The following CEP44 variants were observed in gnomAD, a reference collection of about 807,000 sequenced individuals.
CEP44 encodes centrosomal protein of 44 kDa.
A neutral mutation model predicts 46.7 loss-of-function variants in CEP44; 45 were observed. That is an observed-to-expected ratio of 0.96 (90% CI 0.76 to 1.24). The LOEUF is 1.24. CEP44 is among the 50% of genes most tolerant of loss of function. The probability of loss-of-function intolerance (pLI) is 0.00; values close to 1 mark genes in which losing one functional copy is unlikely to be tolerated. For synonymous variants in CEP44, 142 were observed against 146.0 expected (o/e 0.97, Z 0.20); for missense variants, 475 against 459.7 (o/e 1.03, Z -0.30).
chr4:174,300,918 C>A (rs530308667), intron 3 of CEP44, among the ~76,000 whole-genome samples: 33 of 151,762 alleles, frequency 2.2e-4, no homozygotes, highest in African/African-American at 7.7e-4. Context: ...GTATAGTGTG[C>A]ATAAAATGGA....
chr4:174,295,958 T>G (rs577015025), intron 1 of CEP44, among the ~76,000 whole-genome samples: 37 of 152,318 alleles, frequency 2.4e-4, no homozygotes, highest in African/African-American at 8.4e-4. Context: ...AATACATGAT[T>G]TGCCTTCTTT....
rs944085215 is a variant in CEP44, at chr4:174,318,079, G to A, written c.*696G>A. Reference sequence around the variant, plus strand: ...CTCTATTGTATAATTTTTTTGGAGGGGGGGATGGAGTTTCGCTGTTGTTGC... The same window carrying A: ...CTCTATTGTATAATTTTTTTGGAGGAGGGGATGGAGTTTCGCTGTTGTTGC... On this transcript the variant is annotated 3_prime_UTR_variant, in exon 12 of 12. Transcript: ENST00000503780. 221 of 985,000 alleles carry A rather than the reference G, an allele frequency of 2.2e-4. 1 individual carries two copies. In the African/African-American group the frequency reaches 3.6e-3, roughly 16 times the overall value. 61.0% of individuals were successfully genotyped at this position (985,000 alleles called of 1,614,324 possible).
chr4:174,283,956 C>G lies in CEP44; in HGVS notation c.-148+13C>G. On this transcript the variant is annotated intron_variant, in intron 1 of 11. Coordinates refer to ENST00000503780, the MANE Select transcript of CEP44 (RefSeq NM_001040157.3). The surrounding 1 kb of genome is among the most constrained non-coding windows in gnomAD (Gnocchi z 6.7). ...AGGTCTTGCGGTGGTGCGTGGCGGG[C>G]AGGAACCCACAATTCCAAATACAAA... The G allele has an allele frequency of 2.5e-6, 1 of 399,150 alleles. No individual in the cohort carries two copies. Among genetic ancestry groups the G allele is most frequent in the Non-Finnish European group, 4.4e-6 (1 of 226,348 alleles). 24.7% of individuals were successfully genotyped at this position (399,150 alleles called of 1,614,324 possible). A position where few individuals can be genotyped will look rare whatever the true frequency, so the allele number is the denominator to read the frequency against.
chr4:174,320,049 T>C lies in CEP44; in HGVS notation c.*2666T>C. 1 of 985,210 alleles carries C rather than the reference T, an allele frequency of 1.0e-6. No homozygotes were observed. Among genetic ancestry groups the C allele is most frequent in the Non-Finnish European group, 1.2e-6 (1 of 829,786 alleles). 61.0% of individuals were successfully genotyped at this position (985,210 alleles called of 1,614,324 possible). A position where few individuals can be genotyped will look rare whatever the true frequency, so the allele number is the denominator to read the frequency against. ...TCATAAACTGGTTGAAAAAACACTGTACTACCAACAAAGGTGTCAGTTGCT... is the reference window on the plus strand; with the variant it reads ...TCATAAACTGGTTGAAAAAACACTGCACTACCAACAAAGGTGTCAGTTGCT... On this transcript the variant is annotated 3_prime_UTR_variant, in exon 12 of 12. Coordinates refer to ENST00000503780, the MANE Select transcript of CEP44 (RefSeq NM_001040157.3).
At chr4:174,291,648 G>A (rs986218301) in intron 1 of CEP44, among the ~76,000 whole-genome samples, 2 of 151,676 alleles carry the variant, frequency 1.3e-5, no homozygotes, top group Non-Finnish European at 2.9e-5. Context: ...TCATACTGTT[G>A]GTTTAGTATC....
rs1742080613 is a variant in CEP44, at chr4:174,319,345, A to G, written c.*1962A>G. ...GATTAACTCCTAAAATATCAGTACC[A>G]GCATGGAATTATAGCACCACCTTGT... On this transcript the variant is annotated 3_prime_UTR_variant, in exon 12 of 12. Transcript: ENST00000503780. 1.0e-6 allele frequency: 1 copy of G among 984,840 alleles called. No individual in the cohort carries two copies. The highest frequency in any genetic ancestry group is 1.2e-6 in the Non-Finnish European group (1 of 829,480). The allele number at this position is 984,840 out of a possible 1,614,324, so 61.0% of individuals were successfully genotyped here.
Position 174,309,364 on chromosome 4 carries a change from T to G in CEP44, c.679-486T>G, listed in dbSNP as rs1205410675. On this transcript the variant is annotated intron_variant, in intron 7 of 11. Transcript: ENST00000503780. The surrounding 1 kb of genome is among the most constrained non-coding windows in gnomAD (Gnocchi z 5.3). ...ACTTCTTTTTCTGTGTTTCTATGTC[T>G]TGTGATTTCTATATATCTCAGTATA... Among the ~76,000 whole-genome samples, 1 of 152,076 alleles carries G rather than the reference T, an allele frequency of 6.6e-6. No homozygotes were observed. The highest frequency in any genetic ancestry group is 2.4e-5 in the African/African-American group (1 of 41,428).
rs1739753757 is a variant in CEP44 at position 174,301,887 on chromosome 4, C to T, written c.90-152C>T. On this transcript the variant is annotated intron_variant, in intron 3 of 11. Coordinates refer to ENST00000503780, the MANE Select transcript of CEP44 (RefSeq NM_001040157.3). This position sits in a 1 kb window ranked among gnomAD's most constrained non-coding sequence, Gnocchi z 4.3. ...ACTGGTTTCAAATGGGGAATGGAAT[C>T]TAGAAAGTCTCATGTATCACCTAAT... 1.5e-6 allele frequency: 1 copy of T among 663,546 alleles called. No individual in the cohort carries two copies. Among genetic ancestry groups the T allele is most frequent in the South Asian group, 2.4e-5 (1 of 41,456 alleles). The allele number at this position is 663,546 out of a possible 1,614,324, so 41.1% of individuals were successfully genotyped here. A position where few individuals can be genotyped will look rare whatever the true frequency, so the allele number is the denominator to read the frequency against.
rs1731327463 is a variant in CEP44, at chr4:174,331,709, A to G, written c.*114A>G. On this transcript the variant is annotated 3_prime_UTR_variant, in exon 9 of 9. Transcript: ENST00000426172. The surrounding 1 kb of genome is among the most constrained non-coding windows in gnomAD (Gnocchi z 4.5). ...GGAAACCAGCTTCCTCCTCAGCTCC[A>G]GCTCTTTTAATGGGCATATCAAAAC... 7.2e-7 allele frequency: 1 copy of G among 1,384,812 alleles called. No individual in the cohort carries two copies. 85.8% of individuals were successfully genotyped at this position (1,384,812 alleles called of 1,614,324 possible). A position where few individuals can be genotyped will look rare whatever the true frequency, so the allele number is the denominator to read the frequency against.
rs1008634445 is a variant in CEP44 at position 174,309,359 on chromosome 4, A to G, written c.679-491A>G. Among the ~76,000 whole-genome samples the G allele has an allele frequency of 2.0e-5, 3 of 151,870 alleles. No individual in the cohort carries two copies. Among genetic ancestry groups the G allele is most frequent in the Non-Finnish European group, 2.9e-5 (2 of 67,914 alleles). On this transcript the variant is annotated intron_variant, in intron 7 of 11. Transcript: ENST00000503780. The surrounding 1 kb of genome is among the most constrained non-coding windows in gnomAD (Gnocchi z 5.3). ...CTAAGACTTCTTTTTCTGTGTTTCT[A>G]TGTCTTGTGATTTCTATATATCTCA...
chr4:174,296,065 T>G (rs1738971682), intron 1 of CEP44, among the ~76,000 whole-genome samples: 2 of 152,246 alleles, frequency 1.3e-5, no homozygotes, highest in African/African-American at 4.8e-5. Flanking sequence ...GATACCTTGC[T>G]TTAGTATAGA....
intron 8 of CEP44, among the ~76,000 whole-genome samples, chr4:174,327,805 G>T (rs1449860199): frequency 6.6e-6 from 1 of 151,932 alleles, no homozygotes; most frequent in Admixed American, 6.6e-5. Context: ...TTTTCAGGTA[G>T]ATTAAAGACA....
At chr4:174,298,828 A>T (rs1213323485) in intron 2 of CEP44, among the ~76,000 whole-genome samples, 1 of 152,210 alleles carries the variant, frequency 6.6e-6, no homozygotes, top group African/African-American at 2.4e-5. Context: ...TTATAATAAG[A>T]TGAATATAAG....
At chr4:174,295,842 T>C (rs1738938367) in intron 1 of CEP44, among the ~76,000 whole-genome samples, 1 of 152,260 alleles carries the variant, frequency 6.6e-6, no homozygotes. Flanking sequence ...TCTAGGTATT[T>C]TTCCAATTAA....
downstream of CEP44, among the ~76,000 whole-genome samples, chr4:174,324,208 TCATC>T (rs1190162239): frequency 2.0e-5 from 3 of 152,170 alleles, no homozygotes; most frequent in East Asian, 5.8e-4. Context: ...CTTCTGAGAT[TCATC>T]CATGTTGTTG....
chr4:174,319,297 A>G lies in CEP44; in HGVS notation c.*1914A>G, dbSNP rs975175818. ...ATTAAGAGGTTAAGAGGTTATAGTTATAAGGGAAAAAACTTCTGTATCGAT... is the reference window on the plus strand; with the variant it reads ...ATTAAGAGGTTAAGAGGTTATAGTTGTAAGGGAAAAAACTTCTGTATCGAT... On this transcript the variant is annotated 3_prime_UTR_variant, in exon 12 of 12. Transcript: ENST00000503780. The G allele has an allele frequency of 6.1e-6, 6 of 976,518 alleles. No individual in the cohort carries two copies. The highest frequency in any genetic ancestry group is 1.7e-5 in the African/African-American group (1 of 57,180). 60.5% of individuals were successfully genotyped at this position (976,518 alleles called of 1,614,324 possible). A position where few individuals can be genotyped will look rare whatever the true frequency, so the allele number is the denominator to read the frequency against.
rs1016169378 is a variant in CEP44 at position 174,301,481 on chromosome 4, C to G, written c.90-558C>G. Among the ~76,000 whole-genome samples, 2 of 152,132 alleles carry G rather than the reference C, an allele frequency of 1.3e-5. No individual in the cohort carries two copies. The highest frequency in any genetic ancestry group is 3.4e-3 in the Middle Eastern group (1 of 294). On this transcript the variant is annotated intron_variant, in intron 3 of 11. Coordinates refer to ENST00000503780, the MANE Select transcript of CEP44 (RefSeq NM_001040157.3). This position sits in a 1 kb window ranked among gnomAD's most constrained non-coding sequence, Gnocchi z 4.3. The stretch of plus-strand genomic sequence containing the variant: ...TGGATAAGCAAAGAAGAGTGGGATA[C>G]CTTTCTAGACTGGTGGAATTAACAT...
At position 174,326,559 on chromosome 4, in the gene CEP44, T is replaced by A. The variant is rs1742683793; in HGVS notation, c.1087-4923T>A. ...AAAGGTTTAAATAATTTTTTAAAAG[T>A]CTTTTATATGTGCCAACCTATTTAC... On this transcript the variant is annotated intron_variant, in intron 8 of 8. Transcript: ENST00000426172. This position sits in a 1 kb window ranked among gnomAD's most constrained non-coding sequence, Gnocchi z 4.8. Among the ~76,000 whole-genome samples, 2 of 152,144 alleles carry A rather than the reference T, an allele frequency of 1.3e-5. No individual in the cohort carries two copies. The highest frequency in any genetic ancestry group is 1.9e-4 in the East Asian group (1 of 5,178).
chr4:174,284,098 G>C (rs1737262812), intron 1 of CEP44, 155 bp downstream of exon 1: 1 of 399,168 alleles, frequency 2.5e-6, no homozygotes, highest in East Asian at 3.6e-5. Context: ...TCTCCCTGTC[G>C]TGCTGGGCCT....
Sources: allele counts gnomAD v4.1 joint callset (sites outside exome capture counted in the v4.1 genomes callset), GRCh38; gene constraint gnomAD v4.1.1; non-coding constraint Gnocchi (gnomAD v3.1); transcripts MANE v1.5; gene names NCBI Gene and HGNC (gene_info 2026-07-23, HGNC 2026-07-21).